Variants in KANSL1 observed in about 807,000 individuals in gnomAD.
The protein encoded by KANSL1 is MLL1/MLL complex subunit KANSL1.
Under a neutral mutation model 103.6 loss-of-function variants are expected in KANSL1, and 22 were observed. The ratio of observed to expected loss-of-function variants is 0.21; its 90% CI spans 0.15 to 0.30. The LOEUF is 0.30. Among genes scored for constraint, KANSL1 ranks in the 10% least tolerant of loss-of-function variants. The pLI is 1.00. For synonymous variants in KANSL1, 600 were observed against 527.6 expected (o/e 1.14, Z -1.88); for missense variants, 1,337 against 1,399.8 (o/e 0.96, Z 0.72).
intron 4 of KANSL1, among the ~76,000 whole-genome samples, chr17:46,073,727 G>T (rs1292771328): frequency 6.6e-6 from 1 of 152,124 alleles, no homozygotes; most frequent in African/African-American, 2.4e-5. Context: ...TAACCATACT[G>T]AAAGATTTGG....
At chr17:46,132,088 T>C (rs995312232) in intron 2 of KANSL1, among the ~76,000 whole-genome samples, 1 of 151,982 alleles carries the variant, frequency 6.6e-6, no homozygotes, top group Non-Finnish European at 1.5e-5. Context: ...GATCGTGCCA[T>C]TGCACTCCTG....
chr17:46,140,178 T>C (rs1025587880), intron 2 of KANSL1, among the ~76,000 whole-genome samples: 30 of 152,130 alleles, frequency 2.0e-4, no homozygotes, highest in African/African-American at 7.0e-4. Context: ...ACTGCAGATA[T>C]CTGGAAAATA....
chr17:46,168,818 CT>C (rs2046136876), intron 2 of KANSL1, among the ~76,000 whole-genome samples: 2 of 152,202 alleles, frequency 1.3e-5, no homozygotes. Context: ...TTTGGCTGTT[CT>C]TATACACTTC....
intron 2 of KANSL1, among the ~76,000 whole-genome samples, chr17:46,109,798 G>T (rs1000428681): frequency 2.0e-5 from 3 of 152,194 alleles, no homozygotes; most frequent in Non-Finnish European, 4.4e-5. Flanking sequence ...AACTAACTCA[G>T]TTACCACAAG....
At chr17:46,220,468 G>A (rs1419094789) in intron 1 of KANSL1, among the ~76,000 whole-genome samples, 12 of 152,130 alleles carry the variant, frequency 7.9e-5, no homozygotes, top group African/African-American at 2.4e-4. Context: ...CGCCCGCCTC[G>A]GCCTCCCAAA....
At chr17:46,155,036 T>C (rs1441781078) in intron 2 of KANSL1, among the ~76,000 whole-genome samples, 1 of 152,016 alleles carries the variant, frequency 6.6e-6, no homozygotes, top group Non-Finnish European at 1.5e-5. Flanking sequence ...TGCTATAAAA[T>C]AGTAAGTGAA....
intron 2 of KANSL1, among the ~76,000 whole-genome samples, chr17:46,144,676 T>C (rs553903908): frequency 8.2e-4 from 106 of 129,398 alleles, no homozygotes; most frequent in African/African-American, 2.7e-3. Flanking sequence ...GGATACTACA[T>C]AATAAAAAAA....
upstream of KANSL1, among the ~76,000 whole-genome samples, chr17:46,194,519 A>G (rs2147949331): frequency 6.6e-6 from 1 of 152,378 alleles, no homozygotes; most frequent in South Asian, 2.1e-4. Context: ...GAATTCATAA[A>G]CATAATGTAA....
At chr17:46,210,235 G>C (rs1297902887) in intron 1 of KANSL1, among the ~76,000 whole-genome samples, 1 of 152,160 alleles carries the variant, frequency 6.6e-6, no homozygotes, top group Non-Finnish European at 1.5e-5. Context: ...AGCACTTTGG[G>C]AGGCTGAGGC....
At chr17:46,107,136 G>C (rs2042601069) in intron 2 of KANSL1, among the ~76,000 whole-genome samples, 1 of 152,292 alleles carries the variant, frequency 6.6e-6, no homozygotes, top group South Asian at 2.1e-4. Flanking sequence ...TCTCAGACAG[G>C]CTCATTCCCT....
Position 46,080,952 on chromosome 17 carries a change from G to C in KANSL1, c.1533+1489C>G, listed in dbSNP as rs549597368. On this transcript the variant is annotated intron_variant, in intron 4 of 14. Coordinates refer to ENST00000432791, the MANE Select transcript of KANSL1 (RefSeq NM_015443.4). ...AGGGAAAGATGGTCTTGACCTTCAA[G>C]AATCTTACAATTTAATACACACACA... Among the ~76,000 whole-genome samples the C allele has an allele frequency of 2.0e-5, 3 of 152,180 alleles. No homozygotes were observed. The East Asian group carries it at 5.8e-4, about 29-fold the overall frequency.
At chr17:46,099,200 TG>T (rs2042205224) in intron 2 of KANSL1, among the ~76,000 whole-genome samples, 1 of 144,138 alleles carries the variant, frequency 6.9e-6, no homozygotes, top group African/African-American at 2.5e-5. Flanking sequence ...GGCGGGCGCC[TG>T]TAGTCCCAGC....
At chr17:46,071,409 C>T (rs946477782) in intron 4 of KANSL1, among the ~76,000 whole-genome samples, 1 of 152,200 alleles carries the variant, frequency 6.6e-6, no homozygotes, top group Non-Finnish European at 1.5e-5. Flanking sequence ...TGCAACCCAT[C>T]ATCAATGCAA....
At chr17:46,202,726 A>AT (rs1192369808) in intron 1 of KANSL1, among the ~76,000 whole-genome samples, 8 of 152,158 alleles carry the variant, frequency 5.3e-5, no homozygotes, top group African/African-American at 9.7e-5. Flanking sequence ...ATCATGTATG[A>AT]TTTTCTCAAC....
chr17:46,099,804 T>C (rs994669582), intron 2 of KANSL1, among the ~76,000 whole-genome samples: 1 of 152,268 alleles, frequency 6.6e-6, no homozygotes, highest in Non-Finnish European at 1.5e-5. Flanking sequence ...GGGAATTCTT[T>C]TCAACTCGTA....
chr17:46,194,059 T>TGG (rs142794137), upstream of KANSL1, among the ~76,000 whole-genome samples: 35 of 148,156 alleles, frequency 2.4e-4, no homozygotes, highest in South Asian at 4.2e-4. Flanking sequence ...TTGGGCGGGG[T>TGG]GGGGAGGGTG....
At chr17:46,053,433 T>C (rs1372016612) in intron 6 of KANSL1, among the ~76,000 whole-genome samples, 2 of 148,216 alleles carry the variant, frequency 1.3e-5, no homozygotes, top group Non-Finnish European at 3.0e-5. Context: ...CCGAGGAGTA[T>C]ATAAAAATAT....
At position 46,030,383 on chromosome 17, in the gene KANSL1, A is replaced by T. The variant is rs757396562; in HGVS notation, c.*1093T>A. 5 of 151,470 alleles carry T rather than the reference A, an allele frequency of 3.3e-5. No individual in the cohort carries two copies. The highest frequency in any genetic ancestry group is 4.1e-4 in the South Asian group (2 of 4,820). 9.4% of individuals were successfully genotyped at this position (151,470 alleles called of 1,614,324 possible). A position where few individuals can be genotyped will look rare whatever the true frequency, so the allele number is the denominator to read the frequency against. On this transcript the variant is annotated 3_prime_UTR_variant, in exon 15 of 15. Transcript: ENST00000432791. ...GATTACAAAATGGCCAAAAAAAAAG[A>T]GTCTTCTCCCCCCTCCCCCTTTTTG...
intron 1 of KANSL1, among the ~76,000 whole-genome samples, chr17:46,189,319 T>A (rs1285166802): frequency 6.6e-6 from 1 of 152,022 alleles, no homozygotes; most frequent in Non-Finnish European, 1.5e-5. Context: ...TTTACCCTAG[T>A]CCCTCCCCTC....
Sources: allele counts gnomAD v4.1 joint callset (sites outside exome capture counted in the v4.1 genomes callset), GRCh38; gene constraint gnomAD v4.1.1; transcripts MANE v1.5; gene names NCBI Gene and HGNC (gene_info 2026-07-23, HGNC 2026-07-21).